Variants in TNR observed in about 807,000 individuals in gnomAD.
The protein encoded by TNR is tenascin R, also known as tenascin-R.
A neutral mutation model predicts 150.4 loss-of-function variants in TNR; 45 were observed. The ratio of observed to expected loss-of-function variants is 0.30; its 90% CI spans 0.24 to 0.38. TNR has a LOEUF of 0.38. Among genes scored for constraint, TNR ranks in the 10% least tolerant of loss-of-function variants. The pLI is 1.00. For missense variants in TNR, 1,544 were observed against 1,759.1 expected (o/e 0.88, Z 2.19); for synonymous variants, 687 against 678.4 (o/e 1.01, Z -0.20).
chr1:175,466,809 C>T (rs533048675), intron 2 of TNR, among the ~76,000 whole-genome samples: 49 of 152,280 alleles, frequency 3.2e-4, no homozygotes, highest in African/African-American at 9.4e-4. Context: ...ATGTTCTACA[C>T]CCAGTAGACA....
chr1:175,564,307 C>T (rs535975673), intron 1 of TNR, among the ~76,000 whole-genome samples: 20 of 152,144 alleles, frequency 1.3e-4, no homozygotes, highest in Admixed American at 3.3e-4. Flanking sequence ...GAAGTGGGCA[C>T]CTGGATTCAG....
intron 1 of TNR, among the ~76,000 whole-genome samples, chr1:175,733,699 A>G (rs1284637582): frequency 1.3e-5 from 2 of 152,074 alleles, no homozygotes; most frequent in Non-Finnish European, 2.9e-5. Flanking sequence ...CTCGGAACAG[A>G]TCAGGGTCTG....
intron 2 of TNR, among the ~76,000 whole-genome samples, chr1:175,468,221 G>A (rs763655893): frequency 1.3e-5 from 2 of 152,174 alleles, no homozygotes; most frequent in Non-Finnish European, 2.9e-5. Context: ...GAAAGGGCAT[G>A]GGATGGAGTG....
At chr1:175,720,891 C>A (rs1392873271) in intron 1 of TNR, among the ~76,000 whole-genome samples, 2 of 152,174 alleles carry the variant, frequency 1.3e-5, no homozygotes, top group East Asian at 3.8e-4. Flanking sequence ...TCTTCAAGAT[C>A]CAGCTCAAGT....
chr1:175,666,622 G>A (rs778527970), intron 1 of TNR, among the ~76,000 whole-genome samples: 98 of 152,372 alleles, frequency 6.4e-4, no homozygotes, highest in Non-Finnish European at 1.3e-3. Flanking sequence ...CTGGCAGGAC[G>A]AACGTCGGAC....
At chr1:175,474,605 G>C (rs922585896) in intron 2 of TNR, among the ~76,000 whole-genome samples, 1 of 152,230 alleles carries the variant, frequency 6.6e-6, no homozygotes, top group African/African-American at 2.4e-5. Flanking sequence ...CTCATTCTTA[G>C]GGAGAAGAAA....
chr1:175,673,442 A>G (rs1376078411), intron 1 of TNR, among the ~76,000 whole-genome samples: 4 of 151,776 alleles, frequency 2.6e-5, no homozygotes, highest in Non-Finnish European at 4.4e-5. Context: ...ATTCAGAGGA[A>G]TGAGCAGGTG....
At chr1:175,395,290 A>G (rs1429987602) in intron 5 of TNR, among the ~76,000 whole-genome samples, 1 of 152,126 alleles carries the variant, frequency 6.6e-6, no homozygotes, top group African/African-American at 2.4e-5. Context: ...AAATCTTTCT[A>G]CCTTGACCTT....
At chr1:175,336,957 G>A (rs1185917727) in intron 19 of TNR, among the ~76,000 whole-genome samples, 1 of 152,118 alleles carries the variant, frequency 6.6e-6, no homozygotes, top group African/African-American at 2.4e-5. Flanking sequence ...CAGTGGCATG[G>A]TCTCGTCTCA....
intron 1 of TNR, among the ~76,000 whole-genome samples, chr1:175,636,372 C>T (rs1303871239): frequency 1.3e-5 from 2 of 152,148 alleles, no homozygotes; most frequent in Non-Finnish European, 2.9e-5. Flanking sequence ...GTCATAGTTT[C>T]TCCCTGAGAG....
intron 1 of TNR, among the ~76,000 whole-genome samples, chr1:175,539,718 T>G (rs1206903496): frequency 6.6e-6 from 1 of 152,220 alleles, no homozygotes; most frequent in African/African-American, 2.4e-5. Flanking sequence ...CTGTTGCTCA[T>G]GCAGTGTGAT....
At chr1:175,523,814 G>T (rs551781261) in intron 2 of TNR, among the ~76,000 whole-genome samples, 37 of 152,216 alleles carry the variant, frequency 2.4e-4, no homozygotes, top group Non-Finnish European at 5.1e-4. Flanking sequence ...CCCATTGTTT[G>T]CAAGAAAGGG....
intron 2 of TNR, among the ~76,000 whole-genome samples, chr1:175,479,773 T>C (rs1476584772): frequency 6.6e-6 from 1 of 152,094 alleles, no homozygotes; most frequent in Non-Finnish European, 1.5e-5. Context: ...CTGATATGCT[T>C]TGTGGCTAGT....
At chr1:175,664,603 T>G (rs1665474610) in intron 1 of TNR, among the ~76,000 whole-genome samples, 1 of 152,222 alleles carries the variant, frequency 6.6e-6, no homozygotes, top group African/African-American at 2.4e-5. Flanking sequence ...GTCTTCTATT[T>G]TCTATAATTG....
At chr1:175,567,843 A>G (rs1213369418) in intron 1 of TNR, among the ~76,000 whole-genome samples, 2 of 152,184 alleles carry the variant, frequency 1.3e-5, no homozygotes, top group Non-Finnish European at 2.9e-5. Context: ...GACGTTCTTA[A>G]TGAGCTTCTG....
rs952190549 is a variant in TNR, at chr1:175,512,028, C to T, written c.-64+16241G>A. Among the ~76,000 whole-genome samples, 7 of 152,282 alleles carry T rather than the reference C, an allele frequency of 4.6e-5. No individual in the cohort carries two copies. The East Asian group carries it at 1.3e-3, about 29-fold the overall frequency. ...CTATAGGATGATTGAGATAGAATCT[C>T]TTGACTCTGGAAGAACTTATGGTCT... On this transcript the variant is annotated intron_variant, in intron 2 of 22. Transcript: ENST00000367674.
At chr1:175,423,555 C>A (rs555165580) in intron 2 of TNR, among the ~76,000 whole-genome samples, 2 of 152,258 alleles carry the variant, frequency 1.3e-5, no homozygotes, top group Admixed American at 1.3e-4. Flanking sequence ...GATCTCAATC[C>A]CCTAGGATCC....
chr1:175,573,051 T>C (rs1051575610), intron 1 of TNR, among the ~76,000 whole-genome samples: 1 of 152,158 alleles, frequency 6.6e-6, no homozygotes, highest in African/African-American at 2.4e-5. Context: ...GCATTATATA[T>C]CATCTTGTTT....
intron 20 of TNR, among the ~76,000 whole-genome samples, chr1:175,331,078 C>CTTTCCTTCTCTTTCT (rs57439733): frequency 3.3e-5 from 2 of 59,944 alleles, no homozygotes; most frequent in East Asian, 1.2e-3. Flanking sequence ...TCTTTCTTTC[C>CTTTCCTTCTCTTTCT]TTCTTTCTTT....
Sources: allele counts gnomAD v4.1 joint callset (sites outside exome capture counted in the v4.1 genomes callset), GRCh38; gene constraint gnomAD v4.1.1; transcripts MANE v1.5; gene names NCBI Gene and HGNC (gene_info 2026-07-23, HGNC 2026-07-21).